Variants in HIVEP1 observed in about 807,000 individuals in gnomAD.
The protein encoded by HIVEP1 is HIVEP zinc finger 1.
Under a neutral mutation model 180.0 loss-of-function variants are expected in HIVEP1, and 36 were observed. The observed-to-expected ratio is 0.20, with a 90% CI of 0.15 to 0.26. The LOEUF is 0.26. Among genes scored for constraint, HIVEP1 ranks in the 10% least tolerant of loss-of-function variants. The pLI, the probability that HIVEP1 is intolerant of heterozygous loss-of-function variation, is 1.00. For missense variants in HIVEP1, 3,143 were observed against 3,268.7 expected (o/e 0.96, Z 0.94); for synonymous variants, 1,239 against 1,239.0 (o/e 1.00, Z 0.00).
At chr6:12,131,779 TAAAAAAAAAAAA>T (rs143910763) in intron 6 of HIVEP1, among the ~76,000 whole-genome samples, 1 of 90,694 alleles carries the variant, frequency 1.1e-5, no homozygotes, top group East Asian at 4.3e-4. Context: ...GAGAAAACAG[TAAAAAAAAAAAA>T]AAAAAAAAAA....
chr6:12,019,149 G>GGAAGA (rs1488079661), intron 2 of HIVEP1, among the ~76,000 whole-genome samples: 3 of 152,174 alleles, frequency 2.0e-5, no homozygotes, highest in Non-Finnish European at 4.4e-5. Flanking sequence ...ATGGGGAAGG[G>GGAAGA]GAAGACTTCA....
intron 7 of HIVEP1, among the ~76,000 whole-genome samples, chr6:12,142,721 G>T (rs1759124854): frequency 6.6e-6 from 1 of 152,090 alleles, no homozygotes; most frequent in Admixed American, 6.5e-5. Context: ...TGATCCCACA[G>T]AATACAAACT....
At chr6:12,024,448 C>T (rs915172670) in intron 2 of HIVEP1, among the ~76,000 whole-genome samples, 4 of 152,106 alleles carry the variant, frequency 2.6e-5, no homozygotes, top group African/African-American at 4.8e-5. Flanking sequence ...TGGAACCATA[C>T]GATTTAAGAG....
At chr6:12,142,009 G>C (rs1759067719) in intron 7 of HIVEP1, among the ~76,000 whole-genome samples, 1 of 152,120 alleles carries the variant, frequency 6.6e-6, no homozygotes, top group Non-Finnish European at 1.5e-5. Flanking sequence ...TCTAGGACTT[G>C]AACTCCGCTC....
chr6:12,082,350 C>T (rs907649462), intron 2 of HIVEP1, among the ~76,000 whole-genome samples: 1 of 152,100 alleles, frequency 6.6e-6, no homozygotes, highest in Non-Finnish European at 1.5e-5. Context: ...ATTCATTGAG[C>T]ACCTTCAAAT....
chr6:12,194,156 A>G, the HIVEP1 span, among the ~76,000 whole-genome samples: 1 of 152,202 alleles, frequency 6.6e-6, no homozygotes, highest in Non-Finnish European at 1.5e-5. Context: ...TGAAATGTAA[A>G]TATTTTAAAA....
At chr6:12,150,906 T>C (rs1759665027) in intron 7 of HIVEP1, among the ~76,000 whole-genome samples, 1 of 152,140 alleles carries the variant, frequency 6.6e-6, no homozygotes. Flanking sequence ...ACAGGCAAAC[T>C]TCAACAACAA....
chr6:12,062,937 G>A (rs1336016740), intron 2 of HIVEP1, among the ~76,000 whole-genome samples: 5 of 152,174 alleles, frequency 3.3e-5, no homozygotes, highest in Non-Finnish European at 5.9e-5. Flanking sequence ...CCGAAGTTAC[G>A]CCTCTTCATG....
At chr6:12,058,402 C>CT (rs1771009006) in intron 2 of HIVEP1, among the ~76,000 whole-genome samples, 1 of 152,126 alleles carries the variant, frequency 6.6e-6, no homozygotes, top group Non-Finnish European at 1.5e-5. Context: ...GTTCCACTCC[C>CT]AAGTTGGCTG....
At chr6:12,016,564 A>T (rs1206027854) in intron 2 of HIVEP1, among the ~76,000 whole-genome samples, 1 of 139,020 alleles carries the variant, frequency 7.2e-6, no homozygotes, top group South Asian at 2.1e-4. Flanking sequence ...TAGTCACCAT[A>T]AGGTGATCTT....
chr6:12,210,712 A>G, the HIVEP1 span, among the ~76,000 whole-genome samples: 1 of 152,180 alleles, frequency 6.6e-6, no homozygotes, highest in Non-Finnish European at 1.5e-5. Context: ...AATTAAACAC[A>G]ACTGCCAGGA....
chr6:12,121,241 A>C lies in HIVEP1; in HGVS notation c.1446A>C (p.Ala482=), dbSNP rs1346800627. The C allele has an allele frequency of 6.2e-7, 1 of 1,614,150 alleles. No homozygotes were observed. Residue 482 remains alanine, a synonymous_variant, in exon 4 of 9, where the codon GCA becomes GCC. Transcript: ENST00000379388. The surrounding 1 kb of genome is among the most constrained non-coding windows in gnomAD (Gnocchi z 5.3). ...TCTTGTCCCACGAGTCCCCCAAAGC[A>C]CTTAGTATTCATTCAGACGTAGAAG... is the stretch of plus-strand genomic sequence containing the variant. ...GLFLSHESPK[A]LSIHSDVEDS... is the part of the protein sequence containing the mutation.
chr6:12,167,637 AT>A (rs1350390725), downstream of HIVEP1, among the ~76,000 whole-genome samples: 55 of 15,832 alleles, frequency 3.5e-3, no homozygotes, highest in Non-Finnish European at 5.2e-3. Flanking sequence ...CATGTTATAT[AT>A]ACATATACAT....
At chr6:12,083,927 T>G (rs565745600) in intron 2 of HIVEP1, among the ~76,000 whole-genome samples, 2 of 152,262 alleles carry the variant, frequency 1.3e-5, no homozygotes, top group East Asian at 3.9e-4. Context: ...ATGTGTGGTG[T>G]TGGTTTTTCT....
At chr6:12,062,397 G>A (rs939829721) in intron 2 of HIVEP1, among the ~76,000 whole-genome samples, 1 of 151,970 alleles carries the variant, frequency 6.6e-6, no homozygotes. Flanking sequence ...ATATTTAAAT[G>A]TATAAACATT....
chr6:12,204,803 C>A, the HIVEP1 span, among the ~76,000 whole-genome samples: 1 of 152,176 alleles, frequency 6.6e-6, no homozygotes, highest in Non-Finnish European at 1.5e-5. Context: ...TTATATTATT[C>A]ATGATCCTCA....
chr6:12,122,616 G>T lies in HIVEP1; in HGVS notation c.2821G>T (p.Ala941Ser). 1 of 1,614,090 alleles carries T rather than the reference G, an allele frequency of 6.2e-7. No homozygotes were observed. The highest frequency in any genetic ancestry group is 1.1e-5 in the South Asian group (1 of 91,056). Residue 941 changes from alanine (A) to serine (S), a missense_variant, in exon 4 of 9, where the codon GCA becomes TCA. Coordinates refer to ENST00000379388, the MANE Select transcript of HIVEP1 (RefSeq NM_002114.4). ...EAMSVRSKAL[A>S]QGPHIEKKKS... is the part of the protein sequence containing the mutation. ...CATGTCAGTGAGGAGCAAGGCACTG[G>T]CACAAGGCCCACATATAGAAAAAAA...
At chr6:12,042,669 A>C (rs1769851063) in intron 2 of HIVEP1, among the ~76,000 whole-genome samples, 1 of 152,040 alleles carries the variant, frequency 6.6e-6, no homozygotes, top group Non-Finnish European at 1.5e-5. Context: ...AATTATACAA[A>C]TAGCCCTTCT....
chr6:12,122,412 G>A lies in HIVEP1; in HGVS notation c.2617G>A (p.Ala873Thr), dbSNP rs6900196. Residue 873 changes from alanine (A) to threonine (T), a missense_variant, in exon 4 of 9, where the codon GCT becomes ACT. Physicochemically the swap from Ala to Thr is moderately conservative, Grantham distance 58. Around this residue, in one of 12 missense-constraint regions of HIVEP1, gnomAD observed 204 missense variants for 243.7 expected, o/e 0.84. Coordinates refer to ENST00000379388, the MANE Select transcript of HIVEP1 (RefSeq NM_002114.4). ...GSQSFDDKIG[A>T]FYDDVFVSGP... ...TCAGTCATTTGATGACAAAATTGGC[G>A]CTTTCTATGATGATGTCTTTGTATC... is the stretch of plus-strand genomic sequence containing the variant. 65 of 1,614,040 alleles carry A rather than the reference G, an allele frequency of 4.0e-5. No homozygotes were observed. Among genetic ancestry groups the A allele is most frequent in the Non-Finnish European group, 4.6e-5 (54 of 1,180,012 alleles).
Sources: gnomAD v4.1 joint callset for allele counts (sites outside exome capture counted in the v4.1 genomes callset) on GRCh38, gnomAD v4.1.1 for gene constraint, gnomAD v4.1.1 regional missense constraint, Gnocchi (gnomAD v3.1) non-coding constraint, MANE v1.5 for transcripts, NCBI Gene and HGNC (gene_info 2026-07-23, HGNC 2026-07-21) for gene names.